ACTN4: variants seen among roughly 807,000 people sequenced by gnomAD.
ACTN4 encodes actinin alpha 4.
Under a neutral mutation model 114.2 loss-of-function variants are expected in ACTN4, and 18 were observed. The observed-to-expected ratio is 0.16, with a 90% confidence interval of 0.11 to 0.23. The LOEUF (loss-of-function observed/expected upper bound fraction) is 0.23, where lower values mean the gene tolerates loss of function less well. Among genes scored for constraint, ACTN4 ranks in the 10% least tolerant of loss-of-function variants. The probability of loss-of-function intolerance (pLI) is 1.00; values close to 1 mark genes in which losing one functional copy is unlikely to be tolerated. For synonymous variants in ACTN4, 515 were observed against 506.3 expected (o/e 1.02, Z -0.23); for missense variants, 722 against 1,262.9 (o/e 0.57, Z 6.49).
chr19:38,712,089 C>G (rs1330406086), intron 8 of ACTN4, among the ~76,000 whole-genome samples: 1 of 152,230 alleles, frequency 6.6e-6, no homozygotes, highest in South Asian at 2.1e-4. Context: ...TTCTTGTTTA[C>G]TGAACATGTA....
At chr19:38,656,708 A>G (rs907808690) in intron 1 of ACTN4, among the ~76,000 whole-genome samples, 1 of 152,332 alleles carries the variant, frequency 6.6e-6, no homozygotes, top group South Asian at 2.1e-4. Flanking sequence ...CAGCAATACA[A>G]TAGCATTTGT....
chr19:38,692,323 G>A (rs1205838314), intron 1 of ACTN4, among the ~76,000 whole-genome samples: 4 of 152,260 alleles, frequency 2.6e-5, no homozygotes, highest in African/African-American at 9.6e-5. Context: ...AGCCCTGATT[G>A]CCTGGGCAGT....
intron 5 of ACTN4, among the ~76,000 whole-genome samples, chr19:38,706,946 G>C (rs1231899952): frequency 2.6e-5 from 4 of 152,198 alleles, no homozygotes; most frequent in Non-Finnish European, 5.9e-5. Context: ...GCAAGAGGCA[G>C]GCCTGCCTGG....
In ACTN4 at chr19:38,729,071, A is replaced by G. The variant is rs147519672; in HGVS notation, c.2494A>G (p.Ile832Val). 18 of 1,613,360 alleles carry G rather than the reference A, an allele frequency of 1.1e-5. No homozygotes were observed. The highest frequency in any genetic ancestry group is 1.3e-5 in the African/African-American group (1 of 74,896). The change falls in exon 20 of 21, where the codon ATC becomes GTC. Residue 832 changes from isoleucine to valine, a missense_variant. Physicochemically the swap from Ile to Val is conservative, Grantham distance 29 (BLOSUM62 3). This residue lies in a region of ACTN4 where 523 missense variants were observed against 875.9 expected (regional missense o/e 0.60). Coordinates refer to ENST00000252699, the MANE Select transcript of ACTN4 (RefSeq NM_004924.6). ...HSGLVTFQAF[I>V]DFMSRETTDT... Reference sequence around the variant, plus strand: ...CGGCCTTGTGACCTTCCAAGCCTTCATCGACTTCATGTCGCGGGAGACCAC... The same window carrying G: ...CGGCCTTGTGACCTTCCAAGCCTTCGTCGACTTCATGTCGCGGGAGACCAC...
rs942077802 is a variant in ACTN4 at position 38,724,783 on chromosome 19, C to T, written c.2010+218C>T. Among the ~76,000 whole-genome samples the T allele has an allele frequency of 5.9e-5, 9 of 152,298 alleles. No individual in the cohort carries two copies. Among genetic ancestry groups the T allele is most frequent in the East Asian group, 1.9e-4 (1 of 5,174 alleles). The stretch of plus-strand genomic sequence containing the variant: ...CCTGGGGAGGCTGAGGCGGGCGGAT[C>T]GCTTGAGCCCAGGAGTTCGAGACCA... On this transcript the variant is annotated intron_variant, in intron 16 of 20. Coordinates refer to ENST00000252699, the MANE Select transcript of ACTN4 (RefSeq NM_004924.6). This position sits in a 1 kb window ranked among gnomAD's most constrained non-coding sequence, Gnocchi z 7.0.
At position 38,647,878 on chromosome 19, in the gene ACTN4, G is replaced by C; in HGVS notation, c.133G>C (p.Asp45His). The C allele has an allele frequency of 6.5e-7, 1 of 1,527,676 alleles. No individual in the cohort carries two copies. Among genetic ancestry groups the C allele is most frequent in the Non-Finnish European group, 8.8e-7 (1 of 1,136,526 alleles). The allele number at this position is 1,527,676 out of a possible 1,614,324, so 94.6% of individuals were successfully genotyped here. ...CGACTGGGACCGGGACCTGCTGCTG[G>C]ACCCGGCCTGGGAGAAGCAGCAGCG... The part of the protein sequence containing the change: ...EDDWDRDLLL[D>H]PAWEKQQRKT... Residue 45 changes from aspartate (D) to histidine (H), a missense_variant, in exon 1 of 21, where the codon GAC (aspartate) becomes CAC (histidine). By Grantham distance (81) the Asp-to-His change is moderately conservative. Transcript: ENST00000252699.
rs544988732 is a variant in ACTN4 at position 38,661,898 on chromosome 19, C to T, written c.162+13991C>T. On this transcript the variant is annotated intron_variant, in intron 1 of 20. Coordinates refer to ENST00000252699, the MANE Select transcript of ACTN4 (RefSeq NM_004924.6). ...TGATCTCCTGACCTCGTTATCCGCC[C>T]GCCTCGGCTTCCCAAAGTGCTGGGA... Among the ~76,000 whole-genome samples the T allele has an allele frequency of 1.8e-4, 27 of 152,288 alleles. No homozygotes were observed. In the South Asian group the frequency reaches 3.7e-3, roughly 21 times the overall value.
intron 1 of ACTN4, among the ~76,000 whole-genome samples, chr19:38,695,032 G>A (rs573966687): frequency 3.9e-5 from 6 of 152,210 alleles, no homozygotes; most frequent in African/African-American, 1.2e-4. Flanking sequence ...TCAGTACCAC[G>A]CCTGGCTAAT....
intron 6 of ACTN4, among the ~76,000 whole-genome samples, chr19:38,709,062 C>G (rs1968555277): frequency 6.6e-6 from 1 of 152,180 alleles, no homozygotes; most frequent in Non-Finnish European, 1.5e-5. Flanking sequence ...CCCACATCTT[C>G]CAGTCAATGT....
At chr19:38,715,620 A>G (rs918058706) in intron 9 of ACTN4, among the ~76,000 whole-genome samples, 2 of 152,204 alleles carry the variant, frequency 1.3e-5, no homozygotes, top group South Asian at 2.1e-4. Context: ...TGGATGTCCA[A>G]CCTAAGAGGG....
rs144008422 is a variant in ACTN4 at position 38,702,072 on chromosome 19, C to T, written c.397+951C>T. ...CACAACCCAAAAATTCAGTCAGGCC[C>T]TGAGATTTTCTGTCCTTGCATGGGT... On this transcript the variant is annotated intron_variant, in intron 3 of 20. Transcript: ENST00000252699. Among the ~76,000 whole-genome samples, 712 of 152,334 alleles carry T rather than the reference C, an allele frequency of 4.7e-3. 6 individuals carry two copies. Among genetic ancestry groups the T allele is most frequent in the African/African-American group, 0.016 (645 of 41,582 alleles).
chr19:38,710,676 G>A (rs999324568), intron 8 of ACTN4, among the ~76,000 whole-genome samples: 2 of 152,234 alleles, frequency 1.3e-5, no homozygotes, highest in Non-Finnish European at 2.9e-5. Context: ...CCAGATGGGG[G>A]ACAGAGATGG....
At chr19:38,699,708 T>C (rs1968204066) in intron 1 of ACTN4, among the ~76,000 whole-genome samples, 1 of 151,406 alleles carries the variant, frequency 6.6e-6, no homozygotes, top group Non-Finnish European at 1.5e-5. Context: ...TGAGCTGAGA[T>C]TGCGCCACAG....
intron 1 of ACTN4, among the ~76,000 whole-genome samples, chr19:38,657,614 G>A (rs897885300): frequency 5.3e-5 from 8 of 152,288 alleles, no homozygotes; most frequent in Middle Eastern, 3.4e-3. Context: ...ACTGCAGGAA[G>A]TGAAATAGAT....
chr19:38,731,232 A>C lies in ACTN4; in HGVS notation c.*1800A>C. On this transcript the variant is annotated 3_prime_UTR_variant, in exon 21 of 21. Transcript: ENST00000252699. Reference sequence around the variant, plus strand: ...GTTGTTCAGGTGGAAGCCTAGGGGGAGGCTGCTTCTGAGCCCAGTGGCCCA... The same window carrying C: ...GTTGTTCAGGTGGAAGCCTAGGGGGCGGCTGCTTCTGAGCCCAGTGGCCCA... The C allele has an allele frequency of 2.5e-6, 4 of 1,609,422 alleles. No homozygotes were observed. The highest frequency in any genetic ancestry group is 3.4e-6 in the Non-Finnish European group (4 of 1,177,738).
At chr19:38,664,072 A>T (rs1976976326) in intron 1 of ACTN4, among the ~76,000 whole-genome samples, 1 of 152,154 alleles carries the variant, frequency 6.6e-6, no homozygotes, top group Non-Finnish European at 1.5e-5. Context: ...CCCTGTATTG[A>T]GAAGTGGGAT....
Position 38,708,364 on chromosome 19 carries a change from G to A in ACTN4, c.651+169G>A, listed in dbSNP as rs565754354. Among the ~76,000 whole-genome samples, 12 of 152,298 alleles carry A rather than the reference G, an allele frequency of 7.9e-5. No individual in the cohort carries two copies. The South Asian group carries it at 8.3e-4, about 11-fold the overall frequency. On this transcript the variant is annotated intron_variant, in intron 6 of 20. Coordinates refer to ENST00000252699, the MANE Select transcript of ACTN4 (RefSeq NM_004924.6). ...GCAGGCTCTCCGCAACCCCTGGCTC[G>A]GTGGCTGACTCTCACCTCCCTTATT...
intron 11 of ACTN4, 133 bp from the exon 12 acceptor site, chr19:38,721,405 A>AT (rs1271057761): frequency 9.0e-7 from 1 of 1,116,744 alleles, no homozygotes; most frequent in East Asian, 2.5e-5. Flanking sequence ...GGAAGTTTCC[A>AT]TGCCACTGTC....
At chr19:38,694,009 G>A (rs1968013311) in intron 1 of ACTN4, among the ~76,000 whole-genome samples, 2 of 152,244 alleles carry the variant, frequency 1.3e-5, no homozygotes, top group South Asian at 4.1e-4. Flanking sequence ...CGTGTGCAGG[G>A]GCAAGCTCTG....
Sources: allele counts gnomAD v4.1 joint callset (sites outside exome capture counted in the v4.1 genomes callset), GRCh38; gene constraint gnomAD v4.1.1; regional missense constraint gnomAD v4.1.1; non-coding constraint Gnocchi (gnomAD v3.1); transcripts MANE v1.5; gene names NCBI Gene and HGNC (gene_info 2026-07-23, HGNC 2026-07-21).